The following CSMD3 variants were observed in gnomAD, a reference collection of about 807,000 sequenced individuals.
CSMD3 encodes the protein CUB and sushi domain-containing protein 3.
In CSMD3, 177 loss-of-function variants were observed where a neutral mutation model predicts 435.2. The ratio of observed to expected loss-of-function variants is 0.41; its 90% confidence interval spans 0.36 to 0.46. The LOEUF (loss-of-function observed/expected upper bound fraction) is 0.46. CSMD3 is among the 20% of genes least tolerant of loss of function. CSMD3 has a pLI of 0.34. For synonymous variants in CSMD3, 1,656 were observed against 1,520.5 expected (o/e 1.09, Z -2.07); for missense variants, 4,265 against 4,504.6 (o/e 0.95, Z 1.52).
chr8:112,928,213 T>A (rs574964912), intron 9 of CSMD3, among the ~76,000 whole-genome samples: 36 of 152,204 alleles, frequency 2.4e-4, no homozygotes, highest in African/African-American at 8.4e-4. Context: ...AAGAAATACA[T>A]TGTTCAGAGA....
chr8:113,008,349 C>T (rs1359999264), intron 6 of CSMD3, among the ~76,000 whole-genome samples: 1 of 151,704 alleles, frequency 6.6e-6, no homozygotes, highest in Non-Finnish European at 1.5e-5. Context: ...ATCATGTTCT[C>T]TCAGTGTATT....
chr8:112,586,095 C>T (rs1485127385), intron 23 of CSMD3, among the ~76,000 whole-genome samples: 1 of 151,618 alleles, frequency 6.6e-6, no homozygotes, highest in African/African-American at 2.4e-5. Flanking sequence ...ATCTTATAAG[C>T]ATATCATGTT....
chr8:113,395,811 A>T (rs549280804), intron 1 of CSMD3, among the ~76,000 whole-genome samples: 1 of 152,126 alleles, frequency 6.6e-6, no homozygotes, highest in South Asian at 2.1e-4. Flanking sequence ...ATAAACGTTT[A>T]CTTTCTGTTG....
At chr8:113,109,552 G>A (rs1347296731) in intron 4 of CSMD3, among the ~76,000 whole-genome samples, 1 of 152,202 alleles carries the variant, frequency 6.6e-6, no homozygotes, top group African/African-American at 2.4e-5. Flanking sequence ...ACAATATTAT[G>A]TCTTATAGCT....
chr8:112,789,129 A>C (rs1374367297), intron 13 of CSMD3, among the ~76,000 whole-genome samples: 1 of 152,118 alleles, frequency 6.6e-6, no homozygotes, highest in African/African-American at 2.4e-5. Flanking sequence ...AAAAATGTGA[A>C]AACCCAAGTC....
intron 7 of CSMD3, among the ~76,000 whole-genome samples, chr8:112,968,873 C>T (rs535993404): frequency 6.6e-6 from 1 of 152,076 alleles, no homozygotes; most frequent in East Asian, 1.9e-4. Flanking sequence ...AACTAGCTCC[C>T]TCATTGTGAT....
chr8:112,293,174 T>C lies in CSMD3; in HGVS notation c.8615-464A>G, dbSNP rs188626173. On this transcript the variant is annotated intron_variant, in intron 54 of 70. Transcript: ENST00000297405. ...GGGAGGCCGGGGTGGGAGGATTGCT[T>C]GAGGAGAAGAGTTAAGGCTGTAGTG... is the stretch of plus-strand genomic sequence containing the variant. Among the ~76,000 whole-genome samples the C allele has an allele frequency of 3.0e-4, 45 of 152,038 alleles. 1 individual carries two copies. In the Middle Eastern group the frequency reaches 0.01, roughly 34 times the overall value.
intron 7 of CSMD3, among the ~76,000 whole-genome samples, chr8:112,973,423 A>G (rs760122620): frequency 7.2e-5 from 11 of 151,914 alleles, no homozygotes; most frequent in South Asian, 2.1e-4. Flanking sequence ...ATCTTGTACC[A>G]CTAGAATGGG....
At chr8:112,624,066 A>C (rs1223861698) in intron 22 of CSMD3, among the ~76,000 whole-genome samples, 2 of 152,108 alleles carry the variant, frequency 1.3e-5, no homozygotes, top group Non-Finnish European at 2.9e-5. Flanking sequence ...ATAGATATTA[A>C]AAGTTTTTTG....
chr8:112,240,488 G>T (rs1038770767), intron 66 of CSMD3, among the ~76,000 whole-genome samples: 2 of 152,028 alleles, frequency 1.3e-5, no homozygotes, highest in African/African-American at 2.4e-5. Flanking sequence ...GAATGTATCA[G>T]TATAAGTCAC....
intron 5 of CSMD3, among the ~76,000 whole-genome samples, chr8:113,093,263 AGGG>A (rs915889588): frequency 6.6e-6 from 1 of 152,086 alleles, no homozygotes; most frequent in African/African-American, 2.4e-5. Flanking sequence ...ATTCCAAAGT[AGGG>A]TGAACAGAAA....
At chr8:113,418,816 G>A (rs529588926) in intron 1 of CSMD3, among the ~76,000 whole-genome samples, 2 of 152,272 alleles carry the variant, frequency 1.3e-5, no homozygotes, top group South Asian at 2.1e-4. Context: ...TGAAACAGAG[G>A]TAAAAATGTA....
chr8:112,516,923 T>A, intron 28 of CSMD3, 111 bp downstream of exon 28: 1 of 805,154 alleles, frequency 1.2e-6, no homozygotes. Context: ...TCCTCTGAAA[T>A]CTTAGACTCT....
At chr8:112,414,926 C>T (rs568191618) in intron 32 of CSMD3, among the ~76,000 whole-genome samples, 34 of 152,218 alleles carry the variant, frequency 2.2e-4, no homozygotes, top group Non-Finnish European at 7.4e-5. Context: ...TTTAAGGTAT[C>T]TGGCAGAAGA....
At chr8:112,266,159 G>A (rs1816926152) in intron 59 of CSMD3, among the ~76,000 whole-genome samples, 1 of 152,032 alleles carries the variant, frequency 6.6e-6, no homozygotes, top group Admixed American at 6.6e-5. Context: ...CCCAAAATAG[G>A]GACTGTCACT....
intron 1 of CSMD3, among the ~76,000 whole-genome samples, chr8:113,396,363 A>G (rs535173883): frequency 7.9e-4 from 121 of 152,294 alleles, no homozygotes; most frequent in African/African-American, 2.8e-3. Context: ...AAGTGTCCCA[A>G]AGCAATCTCA....
At chr8:112,935,012 G>A (rs996407836) in intron 9 of CSMD3, among the ~76,000 whole-genome samples, 2 of 151,814 alleles carry the variant, frequency 1.3e-5, no homozygotes, top group Admixed American at 1.3e-4. Context: ...TTTCTAGGTT[G>A]TTTATAGTAG....
intron 13 of CSMD3, among the ~76,000 whole-genome samples, chr8:112,731,589 C>T (rs2077075753): frequency 6.6e-6 from 1 of 152,100 alleles, no homozygotes; most frequent in Non-Finnish European, 1.5e-5. Flanking sequence ...TGTAACTCTT[C>T]TAAATATGCA....
At position 113,292,058 on chromosome 8, in the gene CSMD3, C is replaced by G. The variant is rs183722344; in HGVS notation, c.402-13354G>C. On this transcript the variant is annotated intron_variant, in intron 2 of 70. Coordinates refer to ENST00000297405, the MANE Select transcript of CSMD3 (RefSeq NM_198123.2). ...CATATTTTATAACTGTTAATGTGTC[C>G]CAGGTATTCAATTAATAATGCCTAG... Among the ~76,000 whole-genome samples, 113 of 151,656 alleles carry G rather than the reference C, an allele frequency of 7.5e-4. 2 individuals carry two copies. The East Asian group carries it at 0.021, about 28-fold the overall frequency.
Sources: gnomAD v4.1 joint callset for allele counts (sites outside exome capture counted in the v4.1 genomes callset) on GRCh38, gnomAD v4.1.1 for gene constraint, MANE v1.5 for transcripts, NCBI Gene and HGNC (gene_info 2026-07-23, HGNC 2026-07-21) for gene names.